PLEKHA8: variants seen among roughly 807,000 people sequenced by gnomAD.
PLEKHA8 encodes pleckstrin homology domain-containing family A member 8.
PLEKHA8 carries 36 observed loss-of-function variants against 68.2 expected under a neutral mutation model. The ratio of observed to expected loss-of-function variants is 0.53; its 90% CI spans 0.40 to 0.70. The LOEUF is 0.70. Among genes scored for constraint, PLEKHA8 ranks in the 30% least tolerant of loss-of-function variants. The pLI, the probability that PLEKHA8 is intolerant of heterozygous loss-of-function variation, is 0.00. For synonymous variants in PLEKHA8, 211 were observed against 216.1 expected, an observed-to-expected ratio of 0.98 and a Z score of 0.20; for missense variants, 505 against 615.4, an observed-to-expected ratio of 0.82 and a Z score of 1.90.
intron 1 of PLEKHA8, among the ~76,000 whole-genome samples, chr7:30,043,920 C>A (rs550140952): frequency 6.6e-6 from 1 of 152,238 alleles, no homozygotes; most frequent in Non-Finnish European, 1.5e-5. Flanking sequence ...CATGGCAGTC[C>A]TATGAGAGAA....
chr7:30,081,661 C>T lies in PLEKHA8; in HGVS notation c.*2874C>T. The T allele has an allele frequency of 1.0e-6, 1 of 985,088 alleles. No individual in the cohort carries two copies. Among genetic ancestry groups the T allele is most frequent in the Non-Finnish European group, 1.2e-6 (1 of 829,638 alleles). 61.0% of individuals were successfully genotyped at this position (985,088 alleles called of 1,614,324 possible). ...GTTGGCAGAGTAATCACTTTGTTCT[C>T]ATCGCTCAAAGCATTTTTAGGATTA... On this transcript the variant is annotated 3_prime_UTR_variant, in exon 14 of 14. Transcript: ENST00000449726.
In PLEKHA8 at chr7:30,062,639, G is replaced by A. The variant is rs779942718; in HGVS notation, c.1230-33G>A. ...TACCCACTCAACATAAGTGAACTTT[G>A]AAAATAATATTTCTTCCTTTATTTT... On this transcript the variant is annotated intron_variant, in intron 11 of 13. Coordinates refer to ENST00000449726, the MANE Select transcript of PLEKHA8 (RefSeq NM_001197026.2). 7 of 1,519,272 alleles carry A rather than the reference G, an allele frequency of 4.6e-6. No individual in the cohort carries two copies. The South Asian group carries it at 6.8e-5, about 15-fold the overall frequency. The allele number at this position is 1,519,272 out of a possible 1,614,324, so 94.1% of individuals were successfully genotyped here. A position where few individuals can be genotyped will look rare whatever the true frequency, so the allele number is the denominator to read the frequency against.
intron 9 of PLEKHA8, among the ~76,000 whole-genome samples, chr7:30,059,399 G>A (rs140012997): frequency 6.6e-6 from 1 of 152,154 alleles, no homozygotes; most frequent in African/African-American, 2.4e-5. Context: ...TGCTTTTTCT[G>A]TATTTGCTGA....
chr7:30,116,291 T>C (rs989727881), intron 13 of PLEKHA8, among the ~76,000 whole-genome samples: 5 of 151,726 alleles, frequency 3.3e-5, no homozygotes, highest in South Asian at 4.1e-4. Flanking sequence ...TACATGTATG[T>C]ATTCATACAT....
At chr7:30,103,970 A>G (rs1454368589) in intron 13 of PLEKHA8, among the ~76,000 whole-genome samples, 2 of 150,712 alleles carry the variant, frequency 1.3e-5, no homozygotes, top group African/African-American at 4.9e-5. Flanking sequence ...TATGGCTGAG[A>G]AAAGCTTGTA....
At chr7:30,060,191 CA>C (rs1223231494) in intron 9 of PLEKHA8, among the ~76,000 whole-genome samples, 1 of 152,080 alleles carries the variant, frequency 6.6e-6, no homozygotes, top group African/African-American at 2.4e-5. Flanking sequence ...CCTGTAATCC[CA>C]GCACTTTGGG....
At chr7:30,076,477 G>A (rs1041400404) in intron 13 of PLEKHA8, among the ~76,000 whole-genome samples, 16 of 152,070 alleles carry the variant, frequency 1.1e-4, no homozygotes, top group African/African-American at 3.6e-4. Context: ...TTACAGTTTT[G>A]AGCACTTAAC....
intron 13 of PLEKHA8, among the ~76,000 whole-genome samples, chr7:30,076,483 T>G (rs1204147868): frequency 1.3e-5 from 2 of 152,236 alleles, no homozygotes; most frequent in Non-Finnish European, 2.9e-5. Flanking sequence ...TTTTGAGCAC[T>G]TAACATGCAC....
intron 13 of PLEKHA8, among the ~76,000 whole-genome samples, chr7:30,122,605 C>T (rs1796712958): frequency 6.6e-6 from 1 of 152,210 alleles, no homozygotes; most frequent in African/African-American, 2.4e-5. Context: ...CTCCATAAGA[C>T]ATAACGTTTG....
chr7:30,090,343 A>G, exon 13 of PLEKHA8: 2 of 784,668 alleles, frequency 2.5e-6, no homozygotes, highest in Non-Finnish European at 4.0e-6. Flanking sequence ...GTAGGAAAAA[A>G]GAATGACTCA....
At chr7:30,056,742 A>T (rs1326870774) in intron 9 of PLEKHA8, among the ~76,000 whole-genome samples, 5 of 74,784 alleles carry the variant, frequency 6.7e-5, no homozygotes, top group African/African-American at 1.0e-4. Context: ...AAAAAAAAAA[A>T]GTGTGTGTGT....
At chr7:30,069,579 A>T (rs575926160) in intron 12 of PLEKHA8, 36 of 152,374 alleles carry the variant, frequency 2.4e-4, no homozygotes, top group African/African-American at 6.7e-4. Flanking sequence ...CTGAGTTACT[A>T]ATAGTAAATG....
At chr7:30,118,767 C>T (rs764915077) in intron 13 of PLEKHA8, among the ~76,000 whole-genome samples, 9 of 151,986 alleles carry the variant, frequency 5.9e-5, no homozygotes, top group African/African-American at 9.7e-5. Context: ...TTAGTAGAGA[C>T]GGGGTTTCAC....
At chr7:30,067,518 TTGACC>T (rs1422537699) in intron 12 of PLEKHA8, among the ~76,000 whole-genome samples, 1 of 152,214 alleles carries the variant, frequency 6.6e-6, no homozygotes, top group Non-Finnish European at 1.5e-5. Context: ...TATCTACCAC[TTGACC>T]TAATAGAAAA....
chr7:30,045,140 T>C lies in PLEKHA8; in HGVS notation c.96T>C (p.Ser32=). 1 of 1,612,632 alleles carries C rather than the reference T, an allele frequency of 6.2e-7. No individual in the cohort carries two copies. Among genetic ancestry groups the C allele is most frequent in the Non-Finnish European group, 8.5e-7 (1 of 1,179,342 alleles). The part of the protein sequence containing the change: ...LCGGILSYYD[S]PEDAWKGCKG... ...GGGGAATATTGTCCTATTATGATTC[T>C]CCTGAAGATGCCTGGAAAGGTTGCA... Residue 32 remains serine, a synonymous_variant, in exon 2 of 14, where the codon TCT becomes TCC. Coordinates refer to ENST00000449726, the MANE Select transcript of PLEKHA8 (RefSeq NM_001197026.2).
Position 30,078,683 on chromosome 7 carries a change from A to G in PLEKHA8, c.1456A>G (p.Met486Val). ...CCAGAAAGAAGCTTTCAGTATTGGG[A>G]TGCAGAGGGACCTCAGCCTTTACCT... The part of the protein sequence containing the change: ...DHQKEAFSIG[M>V]QRDLSLYLPA... The change falls in exon 14 of 14, where the codon ATG becomes GTG. Residue 486 changes from methionine (M) to valine (V), a missense_variant. By Grantham distance (21) the Met-to-Val change is conservative (BLOSUM62 1). Transcript: ENST00000449726. 1.2e-6 allele frequency: 2 copies of G among 1,613,860 alleles called. No individual in the cohort carries two copies. The highest frequency in any genetic ancestry group is 1.1e-5 in the South Asian group (1 of 91,076).
At position 30,127,845 on chromosome 7, in the gene PLEKHA8, G is replaced by A. The variant is rs539857894; in HGVS notation, c.1363-1421G>A. Among the ~76,000 whole-genome samples the A allele has an allele frequency of 7.9e-5, 12 of 152,250 alleles. No homozygotes were observed. In the South Asian group the frequency reaches 2.3e-3, roughly 29 times the overall value. On this transcript the variant is annotated intron_variant, in intron 13 of 13. Transcript: ENST00000396257. ...TTCATTTCAGCATTCCTGATTCAAC[G>A]ATAAAAGTGTAGTACATTGAATTCT...
At chr7:30,055,407 G>A (rs866934604) in intron 9 of PLEKHA8, 65 bp downstream of exon 9, 1 of 1,439,314 alleles carries the variant, frequency 6.9e-7, no homozygotes, top group Middle Eastern at 1.8e-4. Context: ...TAGTTATTTT[G>A]CAGGAGAAAT....
intron 12 of PLEKHA8, among the ~76,000 whole-genome samples, chr7:30,089,714 C>G (rs1795332860): frequency 1.3e-5 from 2 of 152,108 alleles, no homozygotes; most frequent in Admixed American, 1.3e-4. Flanking sequence ...GGAAAAAAAG[C>G]TAGTCCAAGA....
Sources: allele counts gnomAD v4.1 joint callset (sites outside exome capture counted in the v4.1 genomes callset), GRCh38; gene constraint gnomAD v4.1.1; transcripts MANE v1.5; gene names NCBI Gene and HGNC (gene_info 2026-07-23, HGNC 2026-07-21).